The following ARHGAP23 variants were observed in gnomAD, a reference collection of about 807,000 sequenced individuals.
The protein encoded by ARHGAP23 is rho GTPase-activating protein 23.
A neutral mutation model predicts 136.3 loss-of-function variants in ARHGAP23; 34 were observed. That is an observed-to-expected ratio of 0.25 (90% CI 0.19 to 0.33). The LOEUF (loss-of-function observed/expected upper bound fraction) is 0.33, where lower values mean the gene tolerates loss of function less well. Among genes scored for constraint, ARHGAP23 ranks in the 10% least tolerant of loss-of-function variants. ARHGAP23 has a pLI of 1.00. For synonymous variants in ARHGAP23, 832 were observed against 920.5 expected, an observed-to-expected ratio of 0.90 and a Z score of 1.74; for missense variants, 1,808 against 2,139.0, an observed-to-expected ratio of 0.85 and a Z score of 3.05.
Position 38,490,541 on chromosome 17 carries a change from A to C in ARHGAP23, c.3140A>C (p.Glu1047Ala). The change falls in exon 19 of 24, where the codon GAG (glutamate) becomes GCG (alanine). Residue 1047 changes from glutamate to alanine, a missense_variant. Transcript: ENST00000622683. ...CTCAAGACCATCGCTGACCACTCTGAGAAAAACAAGGTGGGTAGGAGTCCC... is the reference window on the plus strand; with the variant it reads ...CTCAAGACCATCGCTGACCACTCTGCGAAAAACAAGGTGGGTAGGAGTCCC... ...GHLKTIADHS[E>A]KNKMEPRNLA... 1 of 1,545,106 alleles carries C rather than the reference A, an allele frequency of 6.5e-7. No homozygotes were observed. The highest frequency in any genetic ancestry group is 8.8e-7 in the Non-Finnish European group (1 of 1,142,784).
chr17:38,432,061 C>T (rs2038696897), intron 1 of ARHGAP23, among the ~76,000 whole-genome samples: 1 of 152,200 alleles, frequency 6.6e-6, no homozygotes, highest in Non-Finnish European at 1.5e-5. Context: ...AACAGCCCCG[C>T]CTGTGGCCCC....
At chr17:38,486,002 C>A in intron 16 of ARHGAP23, 60 bp from the exon 17 acceptor site, 1 of 1,476,840 alleles carries the variant, frequency 6.8e-7, no homozygotes, top group Non-Finnish European at 9.2e-7. Flanking sequence ...GGTGAATGAT[C>A]GTGGAGGCAT....
At chr17:38,460,434 C>T (rs1032781442) in intron 2 of ARHGAP23, among the ~76,000 whole-genome samples, 1 of 152,186 alleles carries the variant, frequency 6.6e-6, no homozygotes, top group Admixed American at 6.5e-5. Flanking sequence ...GCACACCCCG[C>T]CTCCCTTGTC....
In ARHGAP23 at chr17:38,491,486, C is replaced by T. The variant is rs1377262875; in HGVS notation, c.3230C>T (p.Thr1077Ile). ...GAGGACAACATGACAGACATGGTGACCCACATGCCTGACCGCTACAAGATC... is the reference window on the plus strand; with the variant it reads ...GAGGACAACATGACAGACATGGTGATCCACATGCCTGACCGCTACAAGATC... ...TSEDNMTDMV[T>I]HMPDRYKIVE... The change falls in exon 20 of 24, where the codon ACC becomes ATC. Residue 1077 changes from threonine (T) to isoleucine (I), a missense_variant. Coordinates refer to ENST00000622683, the MANE Select transcript of ARHGAP23 (RefSeq NM_001199417.2). 2 of 1,549,584 alleles carry T rather than the reference C, an allele frequency of 1.3e-6. No individual in the cohort carries two copies. The highest frequency in any genetic ancestry group is 8.7e-7 in the Non-Finnish European group (1 of 1,146,818).
chr17:38,420,915 C>T (rs1231595062), intron 1 of ARHGAP23, among the ~76,000 whole-genome samples: 2 of 151,982 alleles, frequency 1.3e-5, no homozygotes, highest in African/African-American at 4.8e-5. Context: ...ACGTGAATTT[C>T]ACCTGGATTT....
intron 16 of ARHGAP23, among the ~76,000 whole-genome samples, chr17:38,484,158 C>T (rs60684755): frequency 0.28 from 41,934 of 151,668 alleles, 6,252 homozygotes; most frequent in East Asian, 0.38. Flanking sequence ...TCTATGGAAG[C>T]GCTAAGTGTC....
rs1308742801 is a variant in ARHGAP23 at position 38,469,874 on chromosome 17, G to A, written c.1944G>A (p.Leu648=). The A allele has an allele frequency of 3.2e-6, 5 of 1,551,712 alleles. No individual in the cohort carries two copies. Among genetic ancestry groups the A allele is most frequent in the Non-Finnish European group, 2.6e-6 (3 of 1,147,000 alleles). ...GCCTGCCAAACCGCATACCCAGCCT[G>A]CGGATGCTCCGGAGCTTCTTCACCG... ...LRRLPNRIPS[L]RMLRSFFTDG... is the part of the protein sequence containing the mutation. The change falls in exon 10 of 24, where the codon CTG becomes CTA. Residue 648 remains leucine, a synonymous_variant. Coordinates refer to ENST00000622683, the MANE Select transcript of ARHGAP23 (RefSeq NM_001199417.2).
Position 38,464,986 on chromosome 17 carries a change from CGA to C in ARHGAP23, c.484-1173_484-1172del, listed in dbSNP as rs922256374. 4.6e-5 allele frequency among the ~76,000 whole-genome samples: 7 copies of C among 152,084 alleles called. No homozygotes were observed. The South Asian group carries it at 1.5e-3, about 32-fold the overall frequency. ...CTCCCTCCTCCTCCCGCCAGCCAGC[CGA>C]GAGAGAGTCGGGTGGGGGTGAGGGG... On this transcript the variant is annotated intron_variant, in intron 6 of 23. Coordinates refer to ENST00000622683, the MANE Select transcript of ARHGAP23 (RefSeq NM_001199417.2).
intron 17 of ARHGAP23, among the ~76,000 whole-genome samples, chr17:38,489,429 T>A (rs1267321367): frequency 1.6e-5 from 2 of 126,564 alleles, no homozygotes; most frequent in Non-Finnish European, 3.2e-5. Flanking sequence ...TTCCCCCCGA[T>A]TGGAAGTGCT....
chr17:38,456,966 A>T (rs2039339998), intron 1 of ARHGAP23, among the ~76,000 whole-genome samples: 1 of 151,964 alleles, frequency 6.6e-6, no homozygotes, highest in Non-Finnish European at 1.5e-5. Flanking sequence ...CTGGAGTGCA[A>T]TGGTGCGCTC....
rs1394202320 is a variant in ARHGAP23 at position 38,467,023 on chromosome 17, C to A, written c.1340C>A (p.Pro447His). 6.4e-7 allele frequency: 1 copy of A among 1,550,880 alleles called. No homozygotes were observed. The change falls in exon 7 of 24, where the codon CCT (proline) becomes CAT (histidine). Residue 447 changes from proline (P) to histidine (H), a missense_variant. Pro to His is a moderately conservative substitution (Grantham distance 77). This residue lies in a region of ARHGAP23 where 859 missense variants were observed against 936.4 expected (regional missense o/e 0.92). Coordinates refer to ENST00000622683, the MANE Select transcript of ARHGAP23 (RefSeq NM_001199417.2). ...CGGGACTCACCCTTTGGGGGGCTGC[C>A]TACCTTCAACCTGGCCCAGTCCCCT... ...SFRDSPFGGLPTFNLAQSPAS... is the reference protein window; with the variant it reads ...SFRDSPFGGLHTFNLAQSPAS...
At chr17:38,483,999 C>T (rs1040610957) in intron 16 of ARHGAP23, among the ~76,000 whole-genome samples, 17 of 152,236 alleles carry the variant, frequency 1.1e-4, no homozygotes, top group Non-Finnish European at 1.9e-4. Flanking sequence ...CTGAAGACTT[C>T]GACCTTGATC....
chr17:38,430,544 A>G (rs914549236), intron 1 of ARHGAP23, among the ~76,000 whole-genome samples: 2 of 152,170 alleles, frequency 1.3e-5, no homozygotes, highest in South Asian at 2.1e-4. Context: ...TTCATCCTAC[A>G]TTGCAGGGAT....
chr17:38,453,926 C>T (rs977928717), intron 1 of ARHGAP23: 7 of 145,686 alleles, frequency 4.8e-5, no homozygotes, highest in Admixed American at 6.8e-5. Context: ...CGGCCTGGGG[C>T]GTACTGGGGC....
chr17:38,468,425 C>A (rs146093071), intron 7 of ARHGAP23, among the ~76,000 whole-genome samples: 2 of 152,112 alleles, frequency 1.3e-5, no homozygotes, highest in South Asian at 2.1e-4. Context: ...ATGAGGTGTC[C>A]AAGAGGGAGC....
Position 38,466,613 on chromosome 17 carries a change from C to G in ARHGAP23, c.930C>G (p.Pro310=). The change falls in exon 7 of 24, where the codon CCC becomes CCG. Residue 310 remains proline, a synonymous_variant. Transcript: ENST00000622683. ...AGERRCPAMA[P]RARSASQDRL... ...AGAGACGGTGCCCAGCCATGGCCCC[C>G]CGGGCCCGCAGCGCCTCCCAGGACC... is the stretch of plus-strand genomic sequence containing the variant. 1 of 1,513,642 alleles carries G rather than the reference C, an allele frequency of 6.6e-7. No homozygotes were observed. The highest frequency in any genetic ancestry group is 8.8e-7 in the Non-Finnish European group (1 of 1,135,968). The allele number at this position is 1,513,642 out of a possible 1,614,324, so 93.8% of individuals were successfully genotyped here.
intron 6 of ARHGAP23, among the ~76,000 whole-genome samples, chr17:38,465,364 G>A (rs2039564713): frequency 6.6e-6 from 1 of 152,116 alleles, no homozygotes; most frequent in Admixed American, 6.5e-5. Flanking sequence ...GTGTCTCCTT[G>A]TAGTGTGGTG....
intron 7 of ARHGAP23, among the ~76,000 whole-genome samples, chr17:38,467,694 C>A (rs946783216): frequency 1.3e-5 from 2 of 151,912 alleles, no homozygotes; most frequent in South Asian, 4.2e-4. Context: ...ATCCATTCAT[C>A]CATCTATCCA....
chr17:38,447,847 C>T (rs910978187), intron 1 of ARHGAP23, among the ~76,000 whole-genome samples: 1 of 152,370 alleles, frequency 6.6e-6, no homozygotes, highest in South Asian at 2.1e-4. Flanking sequence ...CCTGCTGTTG[C>T]CTGGGCAATG....
Sources: gnomAD v4.1 joint callset for allele counts (sites outside exome capture counted in the v4.1 genomes callset) on GRCh38, gnomAD v4.1.1 for gene constraint, gnomAD v4.1.1 regional missense constraint, MANE v1.5 for transcripts, NCBI Gene and HGNC (gene_info 2026-07-23, HGNC 2026-07-21) for gene names.